The following CCAR1 variants were observed in gnomAD, a reference collection of about 807,000 sequenced individuals.
CCAR1 encodes the protein cell division cycle and apoptosis regulator 1, also known as cell division cycle and apoptosis regulator protein 1.
Under a neutral mutation model 163.8 loss-of-function variants are expected in CCAR1, and 78 were observed. The ratio of observed to expected loss-of-function variants is 0.48; its 90% CI spans 0.40 to 0.57. The LOEUF (loss-of-function observed/expected upper bound fraction) is 0.57. Ranked by LOEUF, CCAR1 falls within the 20% of genes least tolerant of loss-of-function variation. The pLI is 0.00. For synonymous variants in CCAR1, 443 were observed against 460.7 expected (o/e 0.96, Z 0.49); for missense variants, 1,019 against 1,365.2 (o/e 0.75, Z 4.00).
At chr10:68,723,095 C>T (rs570605718) in intron 2 of CCAR1, among the ~76,000 whole-genome samples, 7 of 150,858 alleles carry the variant, frequency 4.6e-5, no homozygotes, top group Non-Finnish European at 8.9e-5. Flanking sequence ...TTTTTTTTTC[C>T]CCAAACATTT....
intron 24 of CCAR1, 101 bp from the exon 25 acceptor site, chr10:68,791,106 G>A: frequency 1.7e-6 from 1 of 590,016 alleles, no homozygotes. Context: ...TTTATCACTA[G>A]AAAAAAGTAT....
intron 17 of CCAR1, among the ~76,000 whole-genome samples, chr10:68,767,835 G>A (rs2056554797): frequency 6.6e-6 from 1 of 152,148 alleles, no homozygotes; most frequent in Non-Finnish European, 1.5e-5. Flanking sequence ...ATTATTTAGA[G>A]CAGCTTTACA....
chr10:68,778,268 C>T (rs2056692657), intron 19 of CCAR1, among the ~76,000 whole-genome samples: 1 of 152,062 alleles, frequency 6.6e-6, no homozygotes, highest in Non-Finnish European at 1.5e-5. Context: ...AAGACTCTAC[C>T]ACGTCATGTC....
At chr10:68,784,915 CTTT>C (rs754185332) in intron 19 of CCAR1, among the ~76,000 whole-genome samples, 19 of 124,734 alleles carry the variant, frequency 1.5e-4, no homozygotes, top group Admixed American at 1.7e-4. Context: ...GTGAACATAA[CTTT>C]TTTTTTTTTT....
intron 10 of CCAR1, among the ~76,000 whole-genome samples, chr10:68,752,005 C>T (rs2056338569): frequency 6.7e-6 from 1 of 150,020 alleles, no homozygotes; most frequent in Non-Finnish European, 1.5e-5. Context: ...CAAGCTTTGC[C>T]TCCCGGGTTC....
chr10:68,743,421 C>T lies in CCAR1; in HGVS notation c.518+852C>T, dbSNP rs114029154. Among the ~76,000 whole-genome samples, 919 of 152,030 alleles carry T rather than the reference C, an allele frequency of 6.0e-3. 7 individuals are homozygous for T. The highest frequency in any genetic ancestry group is 0.021 in the African/African-American group (877 of 41,496). ...CCTCACGATCCACCTGCCTCGGCCTCCCAGGAAGTGCTGGGATTACAGGTG... is the reference window on the plus strand; with the variant it reads ...CCTCACGATCCACCTGCCTCGGCCTTCCAGGAAGTGCTGGGATTACAGGTG... On this transcript the variant is annotated intron_variant, in intron 6 of 24. Transcript: ENST00000265872.
intron 8 of CCAR1, among the ~76,000 whole-genome samples, chr10:68,748,097 G>T (rs544411823): frequency 6.6e-6 from 1 of 152,104 alleles, no homozygotes; most frequent in South Asian, 2.1e-4. Flanking sequence ...CAAGTTATCC[G>T]CCCACTTCGG....
At chr10:68,733,549 T>A (rs934637238) in intron 2 of CCAR1, among the ~76,000 whole-genome samples, 1 of 151,920 alleles carries the variant, frequency 6.6e-6, no homozygotes, top group Non-Finnish European at 1.5e-5. Flanking sequence ...TGGCCTGAAA[T>A]CCCAGCACTT....
At chr10:68,723,970 C>A (rs2055901641) in intron 2 of CCAR1, among the ~76,000 whole-genome samples, 1 of 150,506 alleles carries the variant, frequency 6.6e-6, no homozygotes, top group Non-Finnish European at 1.5e-5. Flanking sequence ...ACCAGCCTGA[C>A]CAACATGGAG....
At chr10:68,723,053 GT>G (rs1297070474) in intron 2 of CCAR1, among the ~76,000 whole-genome samples, 1 of 151,266 alleles carries the variant, frequency 6.6e-6, no homozygotes, top group Non-Finnish European at 1.5e-5. Context: ...CTAACAAGCT[GT>G]TTTACATAGT....
At chr10:68,766,119 A>T in intron 17 of CCAR1, 40 bp downstream of exon 17, 1 of 1,148,798 alleles carries the variant, frequency 8.7e-7, no homozygotes, top group Non-Finnish European at 1.3e-6. Flanking sequence ...TATAAGGTCC[A>T]CACATTATGA....
rs199505734 is a variant in CCAR1, at chr10:68,749,072, A to G, written c.827-64A>G. On this transcript the variant is annotated intron_variant, in intron 8 of 24. Coordinates refer to ENST00000265872, the MANE Select transcript of CCAR1 (RefSeq NM_018237.4). ...TATTTAACTTTGTTCCTCTAATTTT[A>G]TCAGGTAATGCCTTCGAACTTTGTT... 3.0e-4 allele frequency: 477 copies of G among 1,586,144 alleles called. 2 individuals are homozygous for G. The highest frequency in any genetic ancestry group is 6.2e-5 in the Non-Finnish European group (72 of 1,165,004).
intron 2 of CCAR1, among the ~76,000 whole-genome samples, chr10:68,729,515 C>T (rs1188557562): frequency 1.3e-5 from 2 of 151,646 alleles, no homozygotes; most frequent in African/African-American, 4.8e-5. Flanking sequence ...GTGATCCACC[C>T]GCCTCGGCCT....
chr10:68,782,926 A>T (rs1407968873), intron 19 of CCAR1, among the ~76,000 whole-genome samples: 1 of 151,996 alleles, frequency 6.6e-6, no homozygotes, highest in Non-Finnish European at 1.5e-5. Flanking sequence ...ATGGAGATGT[A>T]CAAGGAGATT....
intron 8 of CCAR1, among the ~76,000 whole-genome samples, chr10:68,748,261 G>A (rs1163142): frequency 0.66 from 99,968 of 151,798 alleles, 33,719 homozygotes; most frequent in Non-Finnish European, 0.73. Flanking sequence ...AAACTGGGTC[G>A]TGGTGGCAGG....
chr10:68,764,994 AT>A (rs1304163876), intron 16 of CCAR1, among the ~76,000 whole-genome samples: 1 of 152,156 alleles, frequency 6.6e-6, no homozygotes, highest in Non-Finnish European at 1.5e-5. Context: ...GATTGTCCGA[AT>A]TTTATAAACG....
intron 15 of CCAR1, among the ~76,000 whole-genome samples, chr10:68,759,043 C>T (rs1222944315): frequency 6.6e-6 from 1 of 152,064 alleles, no homozygotes; most frequent in African/African-American, 2.4e-5. Flanking sequence ...TTGTGATTGG[C>T]TGATTGCTTA....
At chr10:68,757,207 C>CA in intron 14 of CCAR1, 87 bp from the exon 15 acceptor site, 2 of 742,612 alleles carry the variant, frequency 2.7e-6, no homozygotes, top group Non-Finnish European at 4.5e-6. Flanking sequence ...TGTGACCTTG[C>CA]ACAGATCAGC....
At chr10:68,747,117 A>T in intron 6 of CCAR1, 44 bp from the exon 7 acceptor site, 1 of 980,886 alleles carries the variant, frequency 1.0e-6, no homozygotes, top group South Asian at 1.6e-5. Flanking sequence ...AATCTATTTT[A>T]ATTGTATTTA....
Sources: allele counts gnomAD v4.1 joint callset (sites outside exome capture counted in the v4.1 genomes callset), GRCh38; gene constraint gnomAD v4.1.1; transcripts MANE v1.5; gene names NCBI Gene and HGNC (gene_info 2026-07-23, HGNC 2026-07-21).